Variants in AFG2A observed in about 807,000 individuals in gnomAD.
The protein encoded by AFG2A is ATPase family gene 2 protein homolog A.
the AFG2A span, among the ~76,000 whole-genome samples, chr4:123,213,476 C>T: frequency 6.6e-6 from 1 of 152,000 alleles, no homozygotes; most frequent in African/African-American, 2.4e-5. Context: ...GAGGACACTC[C>T]AACAAAACTA....
At chr4:123,204,422 C>T in the AFG2A span, among the ~76,000 whole-genome samples, 1 of 152,186 alleles carries the variant, frequency 6.6e-6, no homozygotes, top group Non-Finnish European at 1.5e-5. Flanking sequence ...AGTGATACCT[C>T]ATTGTGATTT....
the AFG2A span, among the ~76,000 whole-genome samples, chr4:122,939,195 C>T: frequency 1.1e-4 from 16 of 149,028 alleles, no homozygotes; most frequent in Non-Finnish European, 1.5e-4. Flanking sequence ...AAGCAATTCT[C>T]CTGCCTCAGC....
chr4:123,184,223 A>ATCAGATTTGATATCTGATACAAAT, the AFG2A span, among the ~76,000 whole-genome samples: 2 of 152,180 alleles, frequency 1.3e-5, no homozygotes, highest in Non-Finnish European at 1.5e-5. Context: ...GATATCAAAT[A>ATCAGATTTGATATCTGATACAAAT]ACTCTACCTG....
the AFG2A span, among the ~76,000 whole-genome samples, chr4:122,943,518 C>T: frequency 2.6e-5 from 4 of 152,000 alleles, no homozygotes; most frequent in Admixed American, 6.6e-5. Context: ...TTATTTTGAG[C>T]CTATGTGTGT....
At chr4:123,181,363 G>A in the AFG2A span, among the ~76,000 whole-genome samples, 11 of 151,846 alleles carry the variant, frequency 7.2e-5, no homozygotes, top group Non-Finnish European at 1.2e-4. Context: ...TGGTAGTTCC[G>A]GCACTTTGGG....
chr4:122,934,873 T>C, the AFG2A span: 1 of 1,169,504 alleles, frequency 8.6e-7, no homozygotes. Flanking sequence ...AAGATTTCAG[T>C]TGCTTTGGGA....
the AFG2A span, among the ~76,000 whole-genome samples, chr4:123,190,130 A>T: frequency 3.3e-5 from 5 of 152,158 alleles, no homozygotes; most frequent in Non-Finnish European, 5.9e-5. Context: ...CACTGTTCCT[A>T]AGTAATGGTC....
the AFG2A span, among the ~76,000 whole-genome samples, chr4:123,199,774 T>C: frequency 6.6e-6 from 1 of 152,160 alleles, no homozygotes; most frequent in Non-Finnish European, 1.5e-5. Flanking sequence ...CCGGCCGATA[T>C]ACTCAGAGTT....
the AFG2A span, among the ~76,000 whole-genome samples, chr4:123,266,521 G>A: frequency 6.6e-6 from 1 of 151,688 alleles, no homozygotes; most frequent in Non-Finnish European, 1.5e-5. Flanking sequence ...CATAATAAAT[G>A]TTTCATGTAT....
chr4:123,107,260 C>T, the AFG2A span, among the ~76,000 whole-genome samples: 11 of 152,300 alleles, frequency 7.2e-5, no homozygotes, highest in East Asian at 1.9e-3. Flanking sequence ...TCAGTCCCTC[C>T]ATTTGGTGGG....
the AFG2A span, among the ~76,000 whole-genome samples, chr4:123,242,251 A>G: frequency 1.3e-5 from 2 of 152,234 alleles, no homozygotes; most frequent in African/African-American, 4.8e-5. Context: ...CAGAATTGGA[A>G]AAAACTACTT....
At chr4:123,203,794 C>T in the AFG2A span, among the ~76,000 whole-genome samples, 1 of 152,156 alleles carries the variant, frequency 6.6e-6, no homozygotes, top group Admixed American at 6.5e-5. Flanking sequence ...ATATTAGTTT[C>T]CTGTTGCTGC....
At chr4:122,939,058 TA>T in the AFG2A span, among the ~76,000 whole-genome samples, 4 of 147,118 alleles carry the variant, frequency 2.7e-5, no homozygotes, top group Non-Finnish European at 6.0e-5. Context: ...GATTCTCTCA[TA>T]GGGGATATGT....
chr4:123,299,599 C>G, the AFG2A span, among the ~76,000 whole-genome samples: 6 of 152,170 alleles, frequency 3.9e-5, no homozygotes, highest in Non-Finnish European at 7.3e-5. Context: ...ACTCACATCT[C>G]TGAAAAATTT....
At chr4:123,209,546 A>T in the AFG2A span, among the ~76,000 whole-genome samples, 3 of 147,586 alleles carry the variant, frequency 2.0e-5, no homozygotes, top group African/African-American at 7.5e-5. Context: ...GTAGCCCTGG[A>T]TTCCATTCCA....
At chr4:122,947,663 G>T in the AFG2A span, among the ~76,000 whole-genome samples, 5 of 151,558 alleles carry the variant, frequency 3.3e-5, no homozygotes, top group African/African-American at 1.2e-4. Flanking sequence ...TGATTCAGAA[G>T]ACTATAAAAA....
At chr4:122,947,278 C>T in the AFG2A span, 1 of 1,611,558 alleles carries the variant, frequency 6.2e-7, no homozygotes, top group Non-Finnish European at 8.5e-7. Context: ...CACAAATCGC[C>T]CTCATGCCTT....
the AFG2A span, among the ~76,000 whole-genome samples, chr4:123,261,639 A>G: frequency 7.7e-4 from 117 of 152,260 alleles, no homozygotes; most frequent in East Asian, 0.014. Context: ...AGGGACAACT[A>G]TATTCTTTCC....
At chr4:123,231,331 G>A in the AFG2A span, among the ~76,000 whole-genome samples, 6 of 152,082 alleles carry the variant, frequency 3.9e-5, no homozygotes, top group Non-Finnish European at 2.9e-5. Flanking sequence ...GCACTTTTAT[G>A]TTATAAAGAC....
Sources: gnomAD v4.1 joint callset for allele counts (sites outside exome capture counted in the v4.1 genomes callset) on GRCh38, gnomAD v4.1.1 for gene constraint, MANE v1.5 for transcripts, NCBI Gene and HGNC (gene_info 2026-07-23, HGNC 2026-07-21) for gene names.